Variants in GRID1 observed in about 807,000 individuals in gnomAD.
GRID1 encodes glutamate receptor ionotropic, delta-1.
In GRID1, 28 loss-of-function variants were observed where a neutral mutation model predicts 98.0. The ratio of observed to expected loss-of-function variants is 0.29; its 90% CI spans 0.21 to 0.39. The LOEUF is 0.39. Ranked by LOEUF, GRID1 falls within the 10% of genes least tolerant of loss-of-function variation. The probability of loss-of-function intolerance (pLI) is 1.00; values close to 1 mark genes in which losing one functional copy is unlikely to be tolerated. For synonymous variants in GRID1, 553 were observed against 538.5 expected (o/e 1.03, Z -0.37); for missense variants, 1,111 against 1,340.5 (o/e 0.83, Z 2.67).
intron 12 of GRID1, among the ~76,000 whole-genome samples, chr10:85,660,495 G>GA (rs1363354192): frequency 6.6e-6 from 1 of 152,120 alleles, no homozygotes; most frequent in African/African-American, 2.4e-5. Flanking sequence ...TCTTTCATGG[G>GA]ATCCTTGTGA....
intron 4 of GRID1, among the ~76,000 whole-genome samples, chr10:86,086,931 C>T (rs1844067735): frequency 6.6e-6 from 1 of 152,196 alleles, no homozygotes; most frequent in African/African-American, 2.4e-5. Flanking sequence ...TAAAAGTTGG[C>T]TGAACTAATT....
At chr10:85,709,061 CA>C in intron 12 of GRID1, 2 of 322,600 alleles carry the variant, frequency 6.2e-6, no homozygotes, top group Admixed American at 3.6e-5. Flanking sequence ...TATGATTCAC[CA>C]AAACAACTTG....
Position 86,241,151 on chromosome 10 carries a change from G to T in GRID1, c.236-34503C>A, listed in dbSNP as rs150001673. Among the ~76,000 whole-genome samples the T allele has an allele frequency of 2.2e-3, 337 of 152,338 alleles. 1 individual carries two copies. Among genetic ancestry groups the T allele is most frequent in the African/African-American group, 7.6e-3 (314 of 41,580 alleles). ...GCCCTGTTGCCCACAAGATGCACCA[G>T]CTCCCACTTGTTTACCACTCTCAGC... On this transcript the variant is annotated intron_variant, in intron 2 of 15. Coordinates refer to ENST00000327946, the MANE Select transcript of GRID1 (RefSeq NM_017551.3).
chr10:85,685,625 C>A (rs112172621), intron 12 of GRID1, among the ~76,000 whole-genome samples: 1 of 151,832 alleles, frequency 6.6e-6, no homozygotes, highest in South Asian at 2.1e-4. Flanking sequence ...AGGTTGGAGA[C>A]GTGGATATAA....
At chr10:86,193,635 T>G (rs1261563292) in intron 3 of GRID1, among the ~76,000 whole-genome samples, 1 of 152,050 alleles carries the variant, frequency 6.6e-6, no homozygotes, top group Non-Finnish European at 1.5e-5. Flanking sequence ...CTTGACATAC[T>G]GCACCCTATT....
chr10:85,652,777 T>G (rs1057382560), intron 12 of GRID1, among the ~76,000 whole-genome samples: 21 of 152,268 alleles, frequency 1.4e-4, no homozygotes, highest in South Asian at 2.1e-4. Flanking sequence ...GCCTCTCTAA[T>G]CTGTCACCCA....
rs143517732 is a variant in GRID1, at chr10:85,860,125, G to A, written c.952-3935C>T. Among the ~76,000 whole-genome samples, 380 of 152,282 alleles carry A rather than the reference G, an allele frequency of 2.5e-3. 3 individuals are homozygous for A. Among genetic ancestry groups the A allele is most frequent in the African/African-American group, 8.8e-3 (366 of 41,546 alleles). ...CCCAGGCTGGAGTCACAGGCCACAGGTGCAGAGAATGAGGCCCGGCTTGGA... is the reference window on the plus strand; with the variant it reads ...CCCAGGCTGGAGTCACAGGCCACAGATGCAGAGAATGAGGCCCGGCTTGGA... On this transcript the variant is annotated intron_variant, in intron 6 of 15. Coordinates refer to ENST00000327946, the MANE Select transcript of GRID1 (RefSeq NM_017551.3).
intron 8 of GRID1, among the ~76,000 whole-genome samples, chr10:85,833,600 G>A (rs1564604543): frequency 6.7e-6 from 1 of 149,760 alleles, no homozygotes; most frequent in Non-Finnish European, 1.5e-5. Context: ...ATATAATCAA[G>A]AACTAGGAAA....
chr10:86,024,792 C>A (rs1843095309), intron 4 of GRID1, among the ~76,000 whole-genome samples: 1 of 152,218 alleles, frequency 6.6e-6, no homozygotes, highest in African/African-American at 2.4e-5. Flanking sequence ...TCTGGTCCAG[C>A]ATGCAAGGGT....
intron 2 of GRID1, among the ~76,000 whole-genome samples, chr10:86,354,762 T>C (rs1848511944): frequency 6.6e-6 from 1 of 152,144 alleles, no homozygotes; most frequent in Non-Finnish European, 1.5e-5. Context: ...GGCCACTCTA[T>C]GCACTCAGAG....
At chr10:85,896,182 TTCTG>T (rs141683904) in intron 5 of GRID1, among the ~76,000 whole-genome samples, 1,752 of 152,336 alleles carry the variant, frequency 0.012, 29 homozygotes, top group African/African-American at 0.04. Flanking sequence ...TTCGTGGCTT[TTCTG>T]TCTATTTCTA....
intron 12 of GRID1, among the ~76,000 whole-genome samples, chr10:85,670,504 T>C (rs1399960945): frequency 2.0e-5 from 3 of 152,134 alleles, no homozygotes; most frequent in African/African-American, 7.2e-5. Context: ...AGAAATGATA[T>C]CAGAAGTTTA....
At chr10:85,965,821 C>G (rs534346505) in intron 4 of GRID1, among the ~76,000 whole-genome samples, 1 of 151,928 alleles carries the variant, frequency 6.6e-6, no homozygotes, top group African/African-American at 2.4e-5. Flanking sequence ...TAGAAATTAA[C>G]CAAAGCCATA....
At chr10:85,672,895 C>T (rs1452339076) in intron 12 of GRID1, among the ~76,000 whole-genome samples, 2 of 152,178 alleles carry the variant, frequency 1.3e-5, no homozygotes, top group Non-Finnish European at 2.9e-5. Context: ...AAGAAATACA[C>T]TTCATAAGGC....
chr10:86,131,776 T>C (rs1844842241), intron 4 of GRID1, among the ~76,000 whole-genome samples: 1 of 152,188 alleles, frequency 6.6e-6, no homozygotes, highest in Non-Finnish European at 1.5e-5. Context: ...TGGGCACTCC[T>C]GCTTGGCTGG....
At chr10:85,964,836 T>C (rs962947491) in intron 4 of GRID1, among the ~76,000 whole-genome samples, 1 of 152,044 alleles carries the variant, frequency 6.6e-6, no homozygotes, top group African/African-American at 2.4e-5. Flanking sequence ...AAAGAAACTA[T>C]CATCAGAGTG....
chr10:86,152,300 C>A (rs907025541), intron 3 of GRID1, among the ~76,000 whole-genome samples: 1 of 152,192 alleles, frequency 6.6e-6, no homozygotes, highest in Non-Finnish European at 1.5e-5. Flanking sequence ...ACCTTGTGTG[C>A]CCACAGAAGG....
intron 2 of GRID1, among the ~76,000 whole-genome samples, chr10:86,228,485 G>C (rs59954242): frequency 6.6e-6 from 1 of 151,930 alleles, no homozygotes; most frequent in Non-Finnish European, 1.5e-5. Flanking sequence ...GCCTGCAGCC[G>C]CTGCCTTCCA....
At chr10:86,189,512 C>CAT (rs1238614837) in intron 3 of GRID1, among the ~76,000 whole-genome samples, 23 of 151,870 alleles carry the variant, frequency 1.5e-4, no homozygotes, top group South Asian at 4.2e-4. Context: ...CACACACACA[C>CAT]GCACACACAC....
Sources: gnomAD v4.1 joint callset for allele counts (sites outside exome capture counted in the v4.1 genomes callset) on GRCh38, gnomAD v4.1.1 for gene constraint, MANE v1.5 for transcripts, NCBI Gene and HGNC (gene_info 2026-07-23, HGNC 2026-07-21) for gene names.